Variants in NRDC observed in about 807,000 individuals in gnomAD.
The protein encoded by NRDC is nardilysin convertase.
Under a neutral mutation model 147.1 loss-of-function variants are expected in NRDC, and 54 were observed. The ratio of observed to expected loss-of-function variants is 0.37; its 90% CI spans 0.29 to 0.46. NRDC has a LOEUF of 0.46. Ranked by LOEUF, NRDC falls within the 20% of genes least tolerant of loss-of-function variation. NRDC has a pLI of 1.00. For missense variants in NRDC, 1,082 were observed against 1,370.6 expected (o/e 0.79, Z 3.33); for synonymous variants, 440 against 482.1 (o/e 0.91, Z 1.14).
intron 1 of NRDC, among the ~76,000 whole-genome samples, chr1:51,876,348 C>G (rs1368298078): frequency 6.6e-6 from 1 of 151,988 alleles, no homozygotes; most frequent in Non-Finnish European, 1.5e-5. Context: ...GGAATATTTG[C>G]GTATACGTAA....
rs771094618 is a variant in NRDC, at chr1:51,810,261, C to CA, written c.1903+19dup. On this transcript the variant is annotated intron_variant, in intron 16 of 30. Coordinates refer to ENST00000352171, the MANE Select transcript of NRDC (RefSeq NM_001101662.2). ...AAGTTAAATATACCTAAATGTAAGA[C>CA]AATTGTTAAAATATTTTACCTTCTA... The CA allele has an allele frequency of 6.4e-7, 1 of 1,553,594 alleles. No homozygotes were observed. Among genetic ancestry groups the CA allele is most frequent in the South Asian group, 1.2e-5 (1 of 82,772 alleles).
chr1:51,842,444 G>A (rs1681317592), intron 1 of NRDC, among the ~76,000 whole-genome samples: 2 of 152,048 alleles, frequency 1.3e-5, no homozygotes, highest in Admixed American at 6.6e-5. Context: ...CAATAAATAA[G>A]AGCAAAGAGA....
intron 8 of NRDC, among the ~76,000 whole-genome samples, chr1:51,821,171 G>A (rs1034025302): frequency 4.6e-5 from 7 of 152,102 alleles, no homozygotes; most frequent in Admixed American, 6.5e-5. Flanking sequence ...GGGGATGTAA[G>A]TGTGCATATT....
intron 29 of NRDC, 107 bp downstream of exon 29, chr1:51,790,426 G>T: frequency 1.3e-6 from 1 of 768,068 alleles, no homozygotes; most frequent in Non-Finnish European, 2.3e-6. Flanking sequence ...CAGGACTAGT[G>T]TTTCGAGTTT....
rs374389453 is a variant in NRDC, at chr1:51,848,366, A to T, written c.342-7852T>A. Among the ~76,000 whole-genome samples the T allele has an allele frequency of 9.5e-4, 145 of 152,268 alleles. 4 individuals are homozygous for T. In the East Asian group the frequency reaches 0.021, roughly 22 times the overall value. On this transcript the variant is annotated intron_variant, in intron 1 of 30. Coordinates refer to ENST00000352171, the MANE Select transcript of NRDC (RefSeq NM_001101662.2). ...CGTGGTGGCAGGCGCCTGTAGTCCC[A>T]GCTACTCAGGAGGCTGGGGCAGGAG... is the stretch of plus-strand genomic sequence containing the variant.
At chr1:51,846,839 A>C (rs1681647591) in intron 1 of NRDC, among the ~76,000 whole-genome samples, 1 of 152,240 alleles carries the variant, frequency 6.6e-6, no homozygotes, top group Non-Finnish European at 1.5e-5. Context: ...GGTCTGTTCT[A>C]CAGAGAGCTG....
At chr1:51,853,802 T>C (rs1004531226) in intron 1 of NRDC, among the ~76,000 whole-genome samples, 6 of 152,190 alleles carry the variant, frequency 3.9e-5, no homozygotes, top group Non-Finnish European at 8.8e-5. Flanking sequence ...TAAAATAAAT[T>C]AGAGAACAAG....
At position 51,845,163 on chromosome 1, in the gene NRDC, ATTG is replaced by A. The variant is rs556956425; in HGVS notation, c.342-4652_342-4650del. ...CTGTTTGCTCTAAACAAATGACTTT[ATTG>A]TTGTTTCCTAAACACTGCCAACAGA... On this transcript the variant is annotated intron_variant, in intron 1 of 30. Coordinates refer to ENST00000352171, the MANE Select transcript of NRDC (RefSeq NM_001101662.2). Among the ~76,000 whole-genome samples the A allele has an allele frequency of 2.7e-3, 413 of 152,206 alleles. 2 individuals are homozygous for A. The highest frequency in any genetic ancestry group is 5.1e-3 in the Non-Finnish European group (347 of 68,002).
At chr1:51,855,996 C>T (rs1682222559) in intron 1 of NRDC, among the ~76,000 whole-genome samples, 1 of 152,088 alleles carries the variant, frequency 6.6e-6, no homozygotes, top group Non-Finnish European at 1.5e-5. Context: ...AAATATTTTT[C>T]ATCCAACAAA....
At chr1:51,834,613 A>G (rs992610269) in intron 3 of NRDC, among the ~76,000 whole-genome samples, 12 of 151,906 alleles carry the variant, frequency 7.9e-5, no homozygotes, top group Non-Finnish European at 1.6e-4. Context: ...ACCACACCTG[A>G]CCCTAAATAA....
At chr1:51,821,129 C>T (rs538090219) in intron 8 of NRDC, among the ~76,000 whole-genome samples, 1 of 152,096 alleles carries the variant, frequency 6.6e-6, no homozygotes, top group East Asian at 1.9e-4. Flanking sequence ...TTAAAAAAAA[C>T]AAATTTTCAG....
At chr1:51,829,614 G>A (rs576905531) in intron 4 of NRDC, among the ~76,000 whole-genome samples, 1 of 152,222 alleles carries the variant, frequency 6.6e-6, no homozygotes, top group African/African-American at 2.4e-5. Context: ...TTCAACTGTT[G>A]TCTCTACTTC....
intron 4 of NRDC, among the ~76,000 whole-genome samples, chr1:51,829,349 T>G (rs1680599533): frequency 6.6e-6 from 1 of 152,242 alleles, no homozygotes; most frequent in Admixed American, 6.5e-5. Context: ...CCCAGCCTAC[T>G]AACATTCTTA....
chr1:51,794,960 TAGGAAAGC>T (rs1678829086), intron 22 of NRDC, 106 bp from the exon 23 acceptor site: 1 of 1,569,646 alleles, frequency 6.4e-7, no homozygotes, highest in Non-Finnish European at 8.6e-7. Flanking sequence ...TGCATAGCTT[TAGGAAAGC>T]AGATATAGTT....
At position 51,803,971 on chromosome 1, in the gene NRDC, A is replaced by G. The variant is rs781639945; in HGVS notation, c.2163-7T>C. 1.3e-6 allele frequency: 2 copies of G among 1,568,010 alleles called. No individual in the cohort carries two copies. The highest frequency in any genetic ancestry group is 1.7e-6 in the Non-Finnish European group (2 of 1,156,150). On this transcript the variant is annotated splice_polypyrimidine_tract_variant and splice_region_variant and intron_variant, in intron 19 of 30. Transcript: ENST00000352171. ...GATATCAAAGAGGACCACACTAAGA[A>G]GTACAAAATGCAAATGGCATCTTTA... is the stretch of plus-strand genomic sequence containing the variant.
At chr1:51,877,683 C>A (rs748988411) in intron 1 of NRDC, among the ~76,000 whole-genome samples, 5 of 152,168 alleles carry the variant, frequency 3.3e-5, no homozygotes, top group Non-Finnish European at 7.4e-5. Flanking sequence ...TTACAACTCA[C>A]CCAACTGAGA....
chr1:51,834,305 T>C lies in NRDC; in HGVS notation c.713-135A>G, dbSNP rs1335126491. 7 of 943,874 alleles carry C rather than the reference T, an allele frequency of 7.4e-6. No homozygotes were observed. In the Admixed American group the frequency reaches 1.4e-4, roughly 19 times the overall value. The allele number at this position is 943,874 out of a possible 1,614,324, so 58.5% of individuals were successfully genotyped here. On this transcript the variant is annotated intron_variant, in intron 3 of 30. Transcript: ENST00000352171. ...ATCAAATGGTTATGTCTGAATTCTT[T>C]TTTTTTTCTTTGAGACAGAGTCTCA...
At chr1:51,839,349 A>G (rs150769574) in intron 2 of NRDC, among the ~76,000 whole-genome samples, 31 of 152,004 alleles carry the variant, frequency 2.0e-4, no homozygotes, top group Non-Finnish European at 4.1e-4. Flanking sequence ...TGTTTTAGAG[A>G]GACAGGGTTT....
rs573365486 is a variant in NRDC at position 51,871,508 on chromosome 1, G to A, written c.341+6767C>T. On this transcript the variant is annotated intron_variant, in intron 1 of 30. Transcript: ENST00000352171. ...CTTGCTTCAAGAATTCTCCTCCACT[G>A]GTTCATTAAAAAAAAAAAAAAAAAA... is the stretch of plus-strand genomic sequence containing the variant. Among the ~76,000 whole-genome samples, 15 of 99,670 alleles carry A rather than the reference G, an allele frequency of 1.5e-4. No homozygotes were observed. In the South Asian group the frequency reaches 5.0e-3, roughly 33 times the overall value. 65.4% of individuals were successfully genotyped at this position (99,670 alleles called of 152,430 possible).
Sources: gnomAD v4.1 joint callset for allele counts (sites outside exome capture counted in the v4.1 genomes callset) on GRCh38, gnomAD v4.1.1 for gene constraint, MANE v1.5 for transcripts, NCBI Gene and HGNC (gene_info 2026-07-23, HGNC 2026-07-21) for gene names.